Variants in AGTPBP1 observed in about 807,000 individuals in gnomAD.
AGTPBP1 encodes cytosolic carboxypeptidase 1.
A neutral mutation model predicts 143.9 loss-of-function variants in AGTPBP1; 70 were observed. That is an observed-to-expected ratio of 0.49 (90% CI 0.40 to 0.59). The LOEUF (loss-of-function observed/expected upper bound fraction) is 0.59, where lower values mean the gene tolerates loss of function less well. AGTPBP1 is among the 20% of genes least tolerant of loss of function. AGTPBP1 has a pLI of 0.00. For missense variants in AGTPBP1, 1,229 were observed against 1,464.5 expected (o/e 0.84, Z 2.62); for synonymous variants, 463 against 500.2 (o/e 0.93, Z 0.99).
In AGTPBP1 at chr9:85,560,446, G is replaced by C. The variant is rs575468201; in HGVS notation, c.3504-13160C>G. On this transcript the variant is annotated intron_variant, in intron 25 of 25. Transcript: ENST00000357081. ...ATGCTTCAGAGAGGCTACTCACATA[G>C]GACCAAAAGGCAGAAGTAGCAGAAG... Among the ~76,000 whole-genome samples, 13 of 152,278 alleles carry C rather than the reference G, an allele frequency of 8.5e-5. No homozygotes were observed. In the South Asian group the frequency reaches 2.7e-3, roughly 32 times the overall value.
intron 1 of AGTPBP1, among the ~76,000 whole-genome samples, chr9:85,724,286 CAAAAAAA>C (rs56269636): frequency 2.6e-5 from 2 of 77,788 alleles, no homozygotes; most frequent in Admixed American, 1.3e-4. Flanking sequence ...GACTTTGTCT[CAAAAAAA>C]AAAAAAAAAA....
At chr9:85,697,447 T>TTTTG in intron 2 of AGTPBP1, among the ~76,000 whole-genome samples, 1 of 119,712 alleles carries the variant, frequency 8.4e-6, no homozygotes, top group East Asian at 2.3e-4. Context: ...TGTTTTTTGT[T>TTTTG]TTTTTTTTTT....
chr9:85,659,561 AAAG>A (rs1833730111), intron 9 of AGTPBP1, among the ~76,000 whole-genome samples: 1 of 152,080 alleles, frequency 6.6e-6, no homozygotes, highest in Non-Finnish European at 1.5e-5. Context: ...CTCATTTGAA[AAAG>A]AAGGGAGGGA....
chr9:85,589,328 T>C (rs1027859171), intron 20 of AGTPBP1, among the ~76,000 whole-genome samples, 200 bp downstream of exon 20: 2 of 152,058 alleles, frequency 1.3e-5, no homozygotes, highest in African/African-American at 2.4e-5. Context: ...AGAGAACATC[T>C]CATGTAGCCC....
intron 13 of AGTPBP1, among the ~76,000 whole-genome samples, chr9:85,637,286 A>G (rs1587797166): frequency 6.6e-6 from 1 of 151,694 alleles, no homozygotes. Context: ...CAGGTGATCC[A>G]CCCGCTTCAG....
intron 14 of AGTPBP1, among the ~76,000 whole-genome samples, chr9:85,623,556 G>C (rs1831079050): frequency 6.6e-6 from 1 of 152,058 alleles, no homozygotes. Flanking sequence ...AGGAGTTCGA[G>C]ACCAGCCTGG....
chr9:85,654,831 A>G (rs1439742951), intron 11 of AGTPBP1, among the ~76,000 whole-genome samples: 1 of 152,110 alleles, frequency 6.6e-6, no homozygotes, highest in Non-Finnish European at 1.5e-5. Context: ...CAACAGAGCA[A>G]GACTCTGTCT....
In AGTPBP1 at chr9:85,659,857, T is replaced by A. The variant is rs913557425; in HGVS notation, c.700+1079A>T. The stretch of plus-strand genomic sequence containing the variant: ...ACCCATCAAAGCAAACCTAAAAATA[T>A]CTTCTAAAATTAATCCACGTATTGT... On this transcript the variant is annotated intron_variant, in intron 9 of 25. Coordinates refer to ENST00000357081, the MANE Select transcript of AGTPBP1 (RefSeq NM_001330701.2). Among the ~76,000 whole-genome samples, 7 of 152,128 alleles carry A rather than the reference T, an allele frequency of 4.6e-5. No homozygotes were observed. The East Asian group carries it at 1.2e-3, about 25-fold the overall frequency.
chr9:85,693,351 A>T (rs1308026765), intron 2 of AGTPBP1, among the ~76,000 whole-genome samples: 1 of 152,234 alleles, frequency 6.6e-6, no homozygotes, highest in East Asian at 1.9e-4. Flanking sequence ...CTGTAAACCC[A>T]GCACTTTGGG....
At chr9:85,602,364 T>A (rs1829728422) in intron 17 of AGTPBP1, among the ~76,000 whole-genome samples, 1 of 151,946 alleles carries the variant, frequency 6.6e-6, no homozygotes, top group African/African-American at 2.4e-5. Flanking sequence ...AAAAAATATA[T>A]TAGAGAGCTT....
chr9:85,783,545 C>T, the AGTPBP1 span, among the ~76,000 whole-genome samples: 9,333 of 152,040 alleles, frequency 0.061, 943 homozygotes, highest in African/African-American at 0.21. Flanking sequence ...TAGCAATTTA[C>T]ATCAAACTCT....
intron 1 of AGTPBP1, among the ~76,000 whole-genome samples, chr9:85,729,039 T>C (rs1321158537): frequency 6.6e-6 from 1 of 152,198 alleles, no homozygotes; most frequent in African/African-American, 2.4e-5. Flanking sequence ...TAAAATCAGC[T>C]AGTAGTAGCA....
At chr9:85,798,428 C>T in the AGTPBP1 span, among the ~76,000 whole-genome samples, 5 of 148,376 alleles carry the variant, frequency 3.4e-5, no homozygotes, top group African/African-American at 7.5e-5. Flanking sequence ...AGTGTAGTGG[C>T]GTGACCTCAG....
the AGTPBP1 span, among the ~76,000 whole-genome samples, chr9:85,802,532 T>TAA: frequency 1.3e-5 from 2 of 152,172 alleles, no homozygotes; most frequent in Admixed American, 1.3e-4. Flanking sequence ...CCATGTTCTT[T>TAA]AGTCAGTTCA....
At chr9:85,774,166 C>T in the AGTPBP1 span, 4 of 691,376 alleles carry the variant, frequency 5.8e-6, no homozygotes, top group Admixed American at 1.1e-4. Flanking sequence ...AGTTTTTGGG[C>T]TTTACATGTT....
intron 13 of AGTPBP1, among the ~76,000 whole-genome samples, chr9:85,637,647 C>T (rs573455705): frequency 1.3e-5 from 2 of 152,156 alleles, no homozygotes; most frequent in East Asian, 1.9e-4. Flanking sequence ...CAGTCATCTG[C>T]GCAGGAGATG....
chr9:85,573,152 G>A (rs956882898), intron 25 of AGTPBP1, among the ~76,000 whole-genome samples: 7 of 150,874 alleles, frequency 4.6e-5, no homozygotes, highest in Admixed American at 1.3e-4. Context: ...CTCTGATGCC[G>A]AGCCGAAGCT....
rs1834908016 is a variant in AGTPBP1 at position 85,677,546 on chromosome 9, C to T, written c.326G>A (p.Gly109Asp). ...TAACTGCAACAATATTTGTGAACCACCTTTGGTGACTAAGAAACTCACTCT... is the reference window on the plus strand; with the variant it reads ...TAACTGCAACAATATTTGTGAACCATCTTTGGTGACTAAGAAACTCACTCT... Reference protein sequence around the residue: ...GRRVSFLVTKGGSQILLQLLM... With the variant: ...GRRVSFLVTKDGSQILLQLLM... Residue 109 changes from glycine (G) to aspartate (D), a missense_variant, in exon 6 of 26, where the codon GGT becomes GAT. This residue lies in a region of AGTPBP1 where 743 missense variants were observed against 812.2 expected (regional missense o/e 0.91). Transcript: ENST00000357081. 6.3e-7 allele frequency: 1 copy of T among 1,583,190 alleles called. No individual in the cohort carries two copies. Among genetic ancestry groups the T allele is most frequent in the Non-Finnish European group, 8.6e-7 (1 of 1,167,850 alleles).
the AGTPBP1 span, chr9:85,774,059 A>C: frequency 6.7e-7 from 1 of 1,490,296 alleles, no homozygotes; most frequent in South Asian, 1.1e-5. Flanking sequence ...TTTGACAGTT[A>C]TGTAAAGTTG....
Sources: allele counts gnomAD v4.1 joint callset (sites outside exome capture counted in the v4.1 genomes callset), GRCh38; gene constraint gnomAD v4.1.1; regional missense constraint gnomAD v4.1.1; transcripts MANE v1.5; gene names NCBI Gene and HGNC (gene_info 2026-07-23, HGNC 2026-07-21).